Variants in WDR27 observed in about 807,000 individuals in gnomAD.
WDR27 encodes WD repeat-containing protein 27.
A neutral mutation model predicts 114.4 loss-of-function variants in WDR27; 100 were observed. The observed-to-expected ratio is 0.87, with a 90% CI of 0.74 to 1.03. WDR27 has a LOEUF of 1.03. WDR27 is among the 50% of genes least tolerant of loss of function. WDR27 has a pLI of 0.00. For synonymous variants in WDR27, 449 were observed against 423.1 expected (o/e 1.06, Z -0.75); for missense variants, 1,129 against 1,092.9 (o/e 1.03, Z -0.47).
chr6:169,498,039 A>G (rs555376079), intron 25 of WDR27, among the ~76,000 whole-genome samples: 1 of 152,280 alleles, frequency 6.6e-6, no homozygotes, highest in African/African-American at 2.4e-5. Flanking sequence ...TATAAGCAAA[A>G]CATGGTATAT....
At chr6:169,431,219 A>G in the WDR27 span, among the ~76,000 whole-genome samples, 10 of 152,226 alleles carry the variant, frequency 6.6e-5, no homozygotes, top group African/African-American at 2.2e-4. Context: ...CTCTTTGTGC[A>G]TTGGATATAT....
In WDR27 at chr6:169,634,442, T is replaced by C. The variant is rs201723267; in HGVS notation, c.2087A>G (p.Asn696Ser). 3 of 1,612,478 alleles carry C rather than the reference T, an allele frequency of 1.9e-6. No individual in the cohort carries two copies. The highest frequency in any genetic ancestry group is 4.5e-5 in the East Asian group (2 of 44,842). ...AVDMTSLSAVNDFYSHIVLAA... is the reference protein window; with the variant it reads ...AVDMTSLSAVSDFYSHIVLAA... ...AGAAAGGATACGGGAATAAAAGTCG[T>C]TGACTGCCGATAAACTGGTCATGTC... is the stretch of plus-strand genomic sequence containing the variant. Residue 696 changes from asparagine (N) to serine (S), a missense_variant, in exon 20 of 26, where the codon AAC (asparagine) becomes AGC (serine). Coordinates refer to ENST00000448612, the MANE Select transcript of WDR27 (RefSeq NM_182552.5).
At chr6:169,520,469 A>G (rs1177678981) in intron 25 of WDR27, among the ~76,000 whole-genome samples, 1 of 152,194 alleles carries the variant, frequency 6.6e-6, no homozygotes, top group Non-Finnish European at 1.5e-5. Context: ...AATAAATAAT[A>G]CTTCAATACA....
intron 25 of WDR27, among the ~76,000 whole-genome samples, chr6:169,565,120 G>A (rs1231870541): frequency 1.3e-5 from 2 of 152,188 alleles, no homozygotes; most frequent in East Asian, 1.9e-4. Flanking sequence ...TTGCTTACAC[G>A]GCGGGAGATG....
chr6:169,547,593 G>C (rs1797620827), intron 25 of WDR27, among the ~76,000 whole-genome samples: 1 of 152,078 alleles, frequency 6.6e-6, no homozygotes, highest in African/African-American at 2.4e-5. Flanking sequence ...AAAATCATTT[G>C]ACAAAATACC....
intron 25 of WDR27, among the ~76,000 whole-genome samples, chr6:169,519,233 G>T (rs1026189870): frequency 6.6e-6 from 1 of 152,100 alleles, no homozygotes; most frequent in Non-Finnish European, 1.5e-5. Context: ...CTGTTACCCA[G>T]TTCCAAAGTC....
intron 25 of WDR27, among the ~76,000 whole-genome samples, chr6:169,552,212 A>G (rs1798241070): frequency 6.6e-6 from 1 of 151,934 alleles, no homozygotes; most frequent in Non-Finnish European, 1.5e-5. Context: ...CCGACCACAC[A>G]TGCAGAGTCG....
chr6:169,619,341 AG>A (rs1328542732), intron 21 of WDR27, among the ~76,000 whole-genome samples: 1 of 152,354 alleles, frequency 6.6e-6, no homozygotes, highest in Non-Finnish European at 1.5e-5. Flanking sequence ...TCTTCACCAC[AG>A]CACTTGGAAT....
rs141705481 is a variant in WDR27 at position 169,573,851 on chromosome 6, C to T, written c.2524-1311G>A. On this transcript the variant is annotated intron_variant, in intron 24 of 25. Transcript: ENST00000448612. The stretch of plus-strand genomic sequence containing the variant: ...ACACTCAGGGACCCATCAGTTACAT[C>T]ACAGCTTTCTTTCGTCTTTTGCATC... 7.5e-3 allele frequency among the ~76,000 whole-genome samples: 1,139 copies of T among 152,342 alleles called. 5 individuals are homozygous for T. Among genetic ancestry groups the T allele is most frequent in the Non-Finnish European group, 0.013 (898 of 68,032 alleles).
intron 25 of WDR27, among the ~76,000 whole-genome samples, chr6:169,510,546 C>T (rs1225319407): frequency 6.7e-6 from 1 of 149,900 alleles, no homozygotes; most frequent in Non-Finnish European, 1.5e-5. Flanking sequence ...AAACCAAACA[C>T]CGCATGTTCT....
intron 1 of WDR27, among the ~76,000 whole-genome samples, chr6:169,695,213 A>T (rs1170815166): frequency 6.6e-6 from 1 of 152,180 alleles, no homozygotes; most frequent in African/African-American, 2.4e-5. Flanking sequence ...GGTTTAAACA[A>T]ATGGACACCA....
At chr6:169,575,072 T>C (rs930589035) in intron 24 of WDR27, among the ~76,000 whole-genome samples, 3 of 152,048 alleles carry the variant, frequency 2.0e-5, no homozygotes, top group African/African-American at 7.2e-5. Flanking sequence ...TCCCCCATTC[T>C]CAGGCCTTTG....
rs539223077 is a variant in WDR27, at chr6:169,621,413, TAC to T, written c.2224-7759_2224-7758del. The stretch of plus-strand genomic sequence containing the variant: ...ACACACATGCACACATGCCTATACA[TAC>T]ACACACGCGCATTCACACATATACA... On this transcript the variant is annotated intron_variant, in intron 21 of 25. Transcript: ENST00000448612. Among the ~76,000 whole-genome samples the T allele has an allele frequency of 3.8e-3, 567 of 149,444 alleles. 4 individuals are homozygous for T. The highest frequency in any genetic ancestry group is 0.013 in the African/African-American group (522 of 40,380).
chr6:169,581,778 C>A (rs1803475858), intron 24 of WDR27, among the ~76,000 whole-genome samples: 1 of 149,344 alleles, frequency 6.7e-6, no homozygotes, highest in South Asian at 2.2e-4. Context: ...GCAACATGCC[C>A]TGAACCACGG....
At chr6:169,649,061 T>C (rs1320097153) in intron 15 of WDR27, 137 bp downstream of exon 15, 4 of 606,176 alleles carry the variant, frequency 6.6e-6, no homozygotes, top group Admixed American at 2.9e-5. Context: ...AATATAGATA[T>C]ACATATCTGT....
At chr6:169,475,351 T>C (rs1339767578) in intron 25 of WDR27, among the ~76,000 whole-genome samples, 2 of 152,094 alleles carry the variant, frequency 1.3e-5, no homozygotes, top group African/African-American at 4.8e-5. Context: ...GCCTCCCAAG[T>C]AGTGGGGATT....
intron 22 of WDR27, among the ~76,000 whole-genome samples, chr6:169,612,397 C>T (rs1314086089): frequency 6.6e-6 from 1 of 152,184 alleles, no homozygotes; most frequent in Non-Finnish European, 1.5e-5. Flanking sequence ...TCCAGCACTC[C>T]AGCCTGGGTG....
chr6:169,672,139 C>T, intron 3 of WDR27, 116 bp downstream of exon 3: 1 of 1,065,458 alleles, frequency 9.4e-7, no homozygotes, highest in African/African-American at 1.6e-5. Context: ...TATCCCAAAC[C>T]CCCCGAGGGA....
the WDR27 span, among the ~76,000 whole-genome samples, chr6:169,432,008 CT>C: frequency 6.6e-6 from 1 of 152,198 alleles, no homozygotes; most frequent in South Asian, 2.1e-4. Context: ...TACACGTCCT[CT>C]TTTTTATCCT....
Sources: gnomAD v4.1 joint callset for allele counts (sites outside exome capture counted in the v4.1 genomes callset) on GRCh38, gnomAD v4.1.1 for gene constraint, MANE v1.5 for transcripts, NCBI Gene and HGNC (gene_info 2026-07-23, HGNC 2026-07-21) for gene names.